Variants in EYS observed in about 807,000 individuals in gnomAD.
EYS encodes protein eyes shut homolog.
In EYS, 250 loss-of-function variants were observed where a neutral mutation model predicts 282.1. The ratio of observed to expected loss-of-function variants is 0.89; its 90% CI spans 0.80 to 0.98. The LOEUF (loss-of-function observed/expected upper bound fraction) is 0.98. EYS is among the 50% of genes least tolerant of loss of function. EYS has a pLI of 0.00. For synonymous variants in EYS, 1,355 were observed against 1,282.9 expected (o/e 1.06, Z -1.20); for missense variants, 4,016 against 3,709.0 (o/e 1.08, Z -2.15).
rs766312952 is a variant in EYS, at chr6:65,306,790, G to GCC, written c.1767-10673_1767-10672dup. Among the ~76,000 whole-genome samples, 54 of 115,214 alleles carry GCC rather than the reference G, an allele frequency of 4.7e-4. No homozygotes were observed. The East Asian group carries it at 0.012, about 26-fold the overall frequency. The allele number at this position is 115,214 out of a possible 152,430, so 75.6% of individuals were successfully genotyped here. ...GGAGGTTGCAGTGAGCTGAGATCGT[G>GCC]CCACTGCACTCCAGCCTGGGCAGCA... On this transcript the variant is annotated intron_variant, in intron 11 of 42. Coordinates refer to ENST00000503581, the MANE Select transcript of EYS (RefSeq NM_001142800.2).
Position 64,349,113 on chromosome 6 carries a change from C to T in EYS, c.6078+39577G>A, listed in dbSNP as rs151245216. On this transcript the variant is annotated intron_variant, in intron 29 of 42. Coordinates refer to ENST00000503581, the MANE Select transcript of EYS (RefSeq NM_001142800.2). The stretch of plus-strand genomic sequence containing the variant: ...AACAAAATCTTTTCATCAACATCAG[C>T]AAATTATTGGAATATACGCTCAGTT... Among the ~76,000 whole-genome samples, 656 of 151,298 alleles carry T rather than the reference C, an allele frequency of 4.3e-3. 5 individuals are homozygous for T. Among genetic ancestry groups the T allele is most frequent in the African/African-American group, 0.015 (622 of 41,386 alleles).
chr6:65,239,720 C>G (rs1024177361), intron 12 of EYS, among the ~76,000 whole-genome samples: 1 of 151,992 alleles, frequency 6.6e-6, no homozygotes, highest in Non-Finnish European at 1.5e-5. Flanking sequence ...TTAAGATATA[C>G]ATATTTATTT....
At chr6:64,444,244 G>A (rs890712593) in intron 26 of EYS, among the ~76,000 whole-genome samples, 7 of 152,096 alleles carry the variant, frequency 4.6e-5, no homozygotes, top group Non-Finnish European at 1.0e-4. Context: ...ATTGACATGG[G>A]TAAGGTCCCA....
At chr6:64,055,885 G>A (rs938199748) in intron 33 of EYS, among the ~76,000 whole-genome samples, 4 of 152,160 alleles carry the variant, frequency 2.6e-5, no homozygotes, top group African/African-American at 4.8e-5. Flanking sequence ...CATTGCTTAC[G>A]TGTAAGTCAA....
intron 29 of EYS, among the ~76,000 whole-genome samples, chr6:64,372,108 C>T (rs1293463182): frequency 7.2e-6 from 1 of 139,036 alleles, no homozygotes; most frequent in African/African-American, 2.8e-5. Context: ...TGCTTTATAG[C>T]ATCACTGGTC....
intron 22 of EYS, among the ~76,000 whole-genome samples, chr6:64,676,424 A>T (rs888524658): frequency 1.3e-5 from 2 of 150,406 alleles, no homozygotes; most frequent in South Asian, 4.2e-4. Context: ...AAAAATTGAC[A>T]CTTTATTATC....
At chr6:64,467,920 C>T (rs13217762) in intron 26 of EYS, among the ~76,000 whole-genome samples, 93 of 152,268 alleles carry the variant, frequency 6.1e-4, no homozygotes, top group Non-Finnish European at 9.8e-4. Flanking sequence ...GTTAATGACA[C>T]TGCTGCCACT....
intron 22 of EYS, among the ~76,000 whole-genome samples, chr6:64,712,528 G>A (rs893723671): frequency 2.6e-5 from 4 of 152,138 alleles, no homozygotes; most frequent in Non-Finnish European, 5.9e-5. Flanking sequence ...GAATGTTAAA[G>A]GCCAGAATTA....
intron 2 of EYS, among the ~76,000 whole-genome samples, chr6:65,589,158 A>T (rs1338617117): frequency 6.6e-6 from 1 of 151,948 alleles, no homozygotes; most frequent in Non-Finnish European, 1.5e-5. Context: ...GCTTACAGTC[A>T]CTATCCCTGA....
chr6:64,742,606 A>G (rs1562166191), intron 22 of EYS, among the ~76,000 whole-genome samples: 1 of 152,206 alleles, frequency 6.6e-6, no homozygotes, highest in Non-Finnish European at 1.5e-5. Context: ...TAAAGGAGGC[A>G]GTAGAAAAAT....
chr6:64,640,231 A>C (rs892669162), intron 22 of EYS, among the ~76,000 whole-genome samples: 1 of 144,002 alleles, frequency 6.9e-6, no homozygotes, highest in African/African-American at 2.6e-5. Context: ...ATATACCCAA[A>C]GGACTCTAAA....
chr6:64,813,428 A>G lies in EYS; in HGVS notation c.3393T>C (p.Cys1131=), dbSNP rs762151868. The change falls in exon 22 of 43, where the codon TGT becomes TGC. Residue 1131 remains cysteine, a synonymous_variant. Coordinates refer to ENST00000503581, the MANE Select transcript of EYS (RefSeq NM_001142800.2). ...CAEPELNSVI[C]LNGGICVDGP... ...CATCAACACAGATCCCTCCATTAAG[A>G]CAGATGACTGAATTAAGTTCAGGCT... 1.3e-6 allele frequency: 2 copies of G among 1,550,108 alleles called. No individual in the cohort carries two copies. Among genetic ancestry groups the G allele is most frequent in the South Asian group, 1.2e-5 (1 of 83,950 alleles).
chr6:65,574,357 A>T (rs1590965), intron 2 of EYS, among the ~76,000 whole-genome samples: 122,476 of 152,082 alleles, frequency 0.81, 50,062 homozygotes, highest in East Asian at 1. Flanking sequence ...GACAAAGAGA[A>T]GGTCCTGCAA....
chr6:64,614,384 A>G (rs1433167499), intron 24 of EYS, among the ~76,000 whole-genome samples: 1 of 152,262 alleles, frequency 6.6e-6, no homozygotes, highest in Admixed American at 6.5e-5. Context: ...TAAAATTACA[A>G]GACACACTAA....
At chr6:63,940,910 A>T (rs1170643781) in intron 35 of EYS, among the ~76,000 whole-genome samples, 1 of 136,918 alleles carries the variant, frequency 7.3e-6, no homozygotes, top group Non-Finnish European at 1.5e-5. Flanking sequence ...TTCAGTTCCC[A>T]CCTATGAGTG....
intron 22 of EYS, among the ~76,000 whole-genome samples, chr6:64,723,867 C>T (rs764704846): frequency 6.6e-6 from 1 of 152,098 alleles, no homozygotes; most frequent in Non-Finnish European, 1.5e-5. Context: ...GCAGTTTTAG[C>T]CTCATCACTG....
chr6:63,948,648 A>C (rs1332531319), intron 35 of EYS, among the ~76,000 whole-genome samples: 2 of 151,980 alleles, frequency 1.3e-5, no homozygotes, highest in African/African-American at 4.8e-5. Flanking sequence ...CCTTCTCCTG[A>C]ACCAATTTTT....
At chr6:65,085,268 A>G (rs1171577977) in intron 12 of EYS, among the ~76,000 whole-genome samples, 1 of 152,176 alleles carries the variant, frequency 6.6e-6, no homozygotes, top group Non-Finnish European at 1.5e-5. Flanking sequence ...ACAACATTCA[A>G]TCAGAGAGTA....
chr6:64,416,597 T>C (rs953230563), intron 28 of EYS, among the ~76,000 whole-genome samples: 3 of 151,986 alleles, frequency 2.0e-5, no homozygotes, highest in Non-Finnish European at 4.4e-5. Flanking sequence ...TTCATTCATT[T>C]ATTCATTAGG....
Sources: allele counts gnomAD v4.1 joint callset (sites outside exome capture counted in the v4.1 genomes callset), GRCh38; gene constraint gnomAD v4.1.1; transcripts MANE v1.5; gene names NCBI Gene and HGNC (gene_info 2026-07-23, HGNC 2026-07-21).